CRK: variants seen among roughly 807,000 people sequenced by gnomAD.
CRK encodes the protein adapter molecule crk.
A neutral mutation model predicts 29.8 loss-of-function variants in CRK; 4 were observed. That is an observed-to-expected ratio of 0.13 (90% CI 0.07 to 0.31). The LOEUF is 0.31. Ranked by LOEUF, CRK falls within the 10% of genes least tolerant of loss-of-function variation. CRK has a pLI of 1.00. For missense variants in CRK, 274 were observed against 396.5 expected, an observed-to-expected ratio of 0.69 and a Z score of 2.62; for synonymous variants, 153 against 164.9, an observed-to-expected ratio of 0.93 and a Z score of 0.55.
intron 1 of CRK, among the ~76,000 whole-genome samples, chr17:1,438,846 T>TAA (rs879459558): frequency 1.6e-4 from 23 of 145,836 alleles, no homozygotes; most frequent in African/African-American, 5.8e-4. Context: ...AAAGTTTCTT[T>TAA]AAAAAAAAAA....
rs761058721 is a variant in CRK at position 1,455,879 on chromosome 17, G to A, written c.239C>T (p.Pro80Leu). The A allele has an allele frequency of 6.3e-7, 1 of 1,582,764 alleles. No homozygotes were observed. Among genetic ancestry groups the A allele is most frequent in the South Asian group, 1.1e-5 (1 of 88,050 alleles). Reference sequence around the variant, plus strand: ...CCGCCGTCCCGTCAGTCCCTCACCGGGCGGAGGCTGGGCGGGCGACGGTGG... The same window carrying A: ...CCGCCGTCCCGTCAGTCCCTCACCGAGCGGAGGCTGGGCGGGCGACGGTGG... ...PVPPSPAQPP[P>L]GVSPSRLRIG... Residue 80 changes from proline to leucine, a missense_variant and splice_region_variant, in exon 1 of 3, where the codon CCC (proline) becomes CTC (leucine). Pro to Leu is a moderately conservative substitution (Grantham distance 98, BLOSUM62 -3). Transcript: ENST00000300574.
intron 2 of CRK, among the ~76,000 whole-genome samples, chr17:1,434,660 G>A (rs2073873725): frequency 6.6e-6 from 1 of 152,068 alleles, no homozygotes; most frequent in Non-Finnish European, 1.5e-5. Flanking sequence ...GGGTATGCCT[G>A]TAATCCCAAC....
chr17:1,433,197 G>A (rs1434279408), intron 2 of CRK, among the ~76,000 whole-genome samples: 1 of 152,194 alleles, frequency 6.6e-6, no homozygotes, highest in Non-Finnish European at 1.5e-5. Context: ...TGGTATCAAT[G>A]TTTGGAATTC....
At chr17:1,430,829 A>G (rs1012015142) in intron 2 of CRK, among the ~76,000 whole-genome samples, 3 of 151,440 alleles carry the variant, frequency 2.0e-5, no homozygotes, top group Non-Finnish European at 2.9e-5. Flanking sequence ...GCACTTTGGG[A>G]GGCCGAGGTG....
In CRK at chr17:1,421,603, G is replaced by T. The variant is rs2073725047; in HGVS notation, c.*1910C>A. The T allele has an allele frequency of 6.6e-6, 1 of 152,148 alleles. No homozygotes were observed. The allele number at this position is 152,148 out of a possible 1,614,324, so 9.4% of individuals were successfully genotyped here. Reference sequence around the variant, plus strand: ...TAAATTAGCGTCAACGCGTTAGTCTGCTTGCGGCCATGTACGGAATCCTGG... The same window carrying T: ...TAAATTAGCGTCAACGCGTTAGTCTTCTTGCGGCCATGTACGGAATCCTGG... On this transcript the variant is annotated 3_prime_UTR_variant, in exon 3 of 3. Coordinates refer to ENST00000300574, the MANE Select transcript of CRK (RefSeq NM_016823.4).
chr17:1,456,166 T>G lies in CRK; in HGVS notation c.-49A>C, dbSNP rs991627717. 1.4e-6 allele frequency: 2 copies of G among 1,401,204 alleles called. No individual in the cohort carries two copies. Among genetic ancestry groups the G allele is most frequent in the African/African-American group, 1.5e-5 (1 of 65,070 alleles). The allele number at this position is 1,401,204 out of a possible 1,614,324, so 86.8% of individuals were successfully genotyped here. A position where few individuals can be genotyped will look rare whatever the true frequency, so the allele number is the denominator to read the frequency against. ...GGGGTGCCGCCGCCGCGCGCGCCCCTCCGGCCCCCGGCGCCCGCCGCCCAG... is the reference window on the plus strand; with the variant it reads ...GGGGTGCCGCCGCCGCGCGCGCCCCGCCGGCCCCCGGCGCCCGCCGCCCAG... On this transcript the variant is annotated 5_prime_UTR_variant, in exon 1 of 3. Transcript: ENST00000300574.
At chr17:1,455,468 C>G (rs943734737) in intron 1 of CRK, among the ~76,000 whole-genome samples, 24 of 152,322 alleles carry the variant, frequency 1.6e-4, no homozygotes, top group African/African-American at 5.8e-4. Context: ...GGAAACGTTT[C>G]CAGCCTAAAA....
chr17:1,423,061 C>T lies in CRK; in HGVS notation c.*452G>A. On this transcript the variant is annotated 3_prime_UTR_variant, in exon 3 of 3. Transcript: ENST00000300574. ...ACAATGAAAGCAATCCTGCTTGATACTATTCACACGGTGCATGATTACTTC... is the reference window on the plus strand; with the variant it reads ...ACAATGAAAGCAATCCTGCTTGATATTATTCACACGGTGCATGATTACTTC... The T allele has an allele frequency of 5.0e-6, 2 of 402,996 alleles. No individual in the cohort carries two copies. The highest frequency in any genetic ancestry group is 8.7e-6 in the Non-Finnish European group (2 of 228,664). The allele number at this position is 402,996 out of a possible 1,614,324, so 25.0% of individuals were successfully genotyped here.
intron 1 of CRK, 71 bp from the exon 2 acceptor site, chr17:1,437,226 A>G (rs965485586): frequency 1.0e-5 from 15 of 1,468,108 alleles, no homozygotes; most frequent in Non-Finnish European, 1.4e-5. Flanking sequence ...TTTTATTTTT[A>G]TTTTTTTTAG....
intron 1 of CRK, among the ~76,000 whole-genome samples, chr17:1,439,997 T>C (rs1327867390): frequency 6.6e-6 from 1 of 151,826 alleles, no homozygotes; most frequent in African/African-American, 2.4e-5. Context: ...CTACAAAAAT[T>C]ATTTAAAAAT....
chr17:1,451,824 CA>C (rs1345056056), intron 1 of CRK, among the ~76,000 whole-genome samples: 23 of 146,522 alleles, frequency 1.6e-4, no homozygotes, highest in Admixed American at 2.7e-4. Context: ...ACTAAAAATA[CA>C]AAAAAAAAAA....
In CRK at chr17:1,430,340, A is replaced by T. The variant is rs954131033; in HGVS notation, c.777+6280T>A. Among the ~76,000 whole-genome samples, 4 of 150,616 alleles carry T rather than the reference A, an allele frequency of 2.7e-5. 1 individual carries two copies. Among genetic ancestry groups the T allele is most frequent in the South Asian group, 2.1e-4 (1 of 4,754 alleles). ...TGGGATTACAGGCGTGAACCACTGT[A>T]CCTGGGCTCATTCTGATTATTAGTA... is the stretch of plus-strand genomic sequence containing the variant. On this transcript the variant is annotated intron_variant, in intron 2 of 2. Coordinates refer to ENST00000300574, the MANE Select transcript of CRK (RefSeq NM_016823.4).
At chr17:1,433,267 T>C (rs929211217) in intron 2 of CRK, among the ~76,000 whole-genome samples, 5 of 152,156 alleles carry the variant, frequency 3.3e-5, no homozygotes, top group Non-Finnish European at 7.4e-5. Context: ...AGGTGACTGC[T>C]TTTCTAGGTC....
intron 1 of CRK, among the ~76,000 whole-genome samples, chr17:1,441,188 A>G (rs994474996): frequency 2.3e-4 from 35 of 152,140 alleles, no homozygotes; most frequent in African/African-American, 8.0e-4. Context: ...TTGGCCTCCC[A>G]AAGTGCTAGT....
intron 2 of CRK, among the ~76,000 whole-genome samples, chr17:1,436,388 T>C (rs1429639975): frequency 2.6e-5 from 4 of 152,180 alleles, no homozygotes; most frequent in Non-Finnish European, 5.9e-5. Context: ...AGTCCAAGTG[T>C]GTTTAGTAGA....
At chr17:1,431,075 C>T (rs991840992) in intron 2 of CRK, among the ~76,000 whole-genome samples, 5 of 151,846 alleles carry the variant, frequency 3.3e-5, no homozygotes, top group African/African-American at 1.2e-4. Flanking sequence ...TCAAAACAAA[C>T]AAACAAACAA....
intron 2 of CRK, among the ~76,000 whole-genome samples, chr17:1,427,089 A>C: frequency 7.1e-6 from 1 of 141,378 alleles, no homozygotes; most frequent in Admixed American, 7.3e-5. Context: ...GACATGCCCC[A>C]GCCAGGCTAG....
At position 1,430,189 on chromosome 17, in the gene CRK, C is replaced by A. The variant is rs551658539; in HGVS notation, c.777+6431G>T. On this transcript the variant is annotated intron_variant, in intron 2 of 2. Coordinates refer to ENST00000300574, the MANE Select transcript of CRK (RefSeq NM_016823.4). Reference sequence around the variant, plus strand: ...CCTCCCACGTAGTTGGGATTACAGGCGTGTGCCCCCACGCCTGGCTAATTT... The same window carrying A: ...CCTCCCACGTAGTTGGGATTACAGGAGTGTGCCCCCACGCCTGGCTAATTT... Among the ~76,000 whole-genome samples, 7 of 149,538 alleles carry A rather than the reference C, an allele frequency of 4.7e-5. No homozygotes were observed. In the East Asian group the frequency reaches 1.4e-3, roughly 30 times the overall value.
intron 1 of CRK, among the ~76,000 whole-genome samples, chr17:1,443,641 C>T (rs927930435): frequency 4.0e-5 from 6 of 151,670 alleles, no homozygotes; most frequent in African/African-American, 1.5e-4. Flanking sequence ...CCTCGTGATC[C>T]ACCCACCTCG....
Sources: gnomAD v4.1 joint callset for allele counts (sites outside exome capture counted in the v4.1 genomes callset) on GRCh38, gnomAD v4.1.1 for gene constraint, MANE v1.5 for transcripts, NCBI Gene and HGNC (gene_info 2026-07-23, HGNC 2026-07-21) for gene names.